LRRK1: variants seen among roughly 807,000 people sequenced by gnomAD.
LRRK1 encodes leucine rich repeat kinase 1.
Under a neutral mutation model 209.1 loss-of-function variants are expected in LRRK1, and 113 were observed. The observed-to-expected ratio is 0.54, with a 90% confidence interval of 0.46 to 0.63. The LOEUF (loss-of-function observed/expected upper bound fraction) is 0.63, where lower values mean the gene tolerates loss of function less well. Ranked by LOEUF, LRRK1 falls within the 30% of genes least tolerant of loss-of-function variation. The pLI is 0.00. For missense variants in LRRK1, 2,284 were observed against 2,632.2 expected, an observed-to-expected ratio of 0.87 and a Z score of 2.89; for synonymous variants, 1,144 against 1,099.7, an observed-to-expected ratio of 1.04 and a Z score of -0.80.
In LRRK1 at chr15:101,051,706, T is replaced by C; in HGVS notation, c.3440-5T>C. ...GAAGCTGTCTCCTGCTCTGTCCTTA[T>C]TTAGCCCTGACAGCCACAGAGAGCG... On this transcript the variant is annotated splice_region_variant and splice_polypyrimidine_tract_variant and intron_variant, in intron 23 of 33. Transcript: ENST00000388948. The C allele has an allele frequency of 6.2e-7, 1 of 1,613,394 alleles. No individual in the cohort carries two copies. Among genetic ancestry groups the C allele is most frequent in the Non-Finnish European group, 8.5e-7 (1 of 1,179,852 alleles).
chr15:100,972,335 T>TAA (rs754464630), intron 2 of LRRK1, among the ~76,000 whole-genome samples: 2 of 106,136 alleles, frequency 1.9e-5, no homozygotes, highest in East Asian at 5.6e-4. Context: ...TATATATATA[T>TAA]GAGAGAGAGA....
intron 2 of LRRK1, 133 bp from the exon 3 acceptor site, chr15:100,973,671 A>AC: frequency 2.2e-6 from 2 of 926,244 alleles, no homozygotes; most frequent in Non-Finnish European, 2.8e-6. Flanking sequence ...TCGCGGGGCC[A>AC]CCCCTCTCTC....
intron 2 of LRRK1, among the ~76,000 whole-genome samples, chr15:100,968,072 C>A (rs1028914603): frequency 1.3e-5 from 2 of 152,142 alleles, no homozygotes; most frequent in African/African-American, 4.8e-5. Flanking sequence ...CCACGATCCA[C>A]CCTTCTGATT....
chr15:101,043,703 T>C (rs2034892839), intron 20 of LRRK1: 2 of 152,370 alleles, frequency 1.3e-5, no homozygotes, highest in Admixed American at 1.3e-4. Context: ...GGTTAGAATA[T>C]GAAGTTGGGA....
intron 21 of LRRK1, among the ~76,000 whole-genome samples, chr15:101,047,040 C>G (rs1430194936): frequency 2.6e-5 from 4 of 152,232 alleles, no homozygotes; most frequent in Admixed American, 1.3e-4. Context: ...GAACCCCGCA[C>G]TGGTTTTCAC....
chr15:101,053,513 TGGCAAGCCCAG>T, intron 26 of LRRK1, 93 bp downstream of exon 26: 1 of 1,184,256 alleles, frequency 8.4e-7, no homozygotes, highest in Non-Finnish European at 1.2e-6. Context: ...CAGGTGGCCT[TGGCAAGCCCAG>T]GGCACGCCCA....
intron 2 of LRRK1, among the ~76,000 whole-genome samples, chr15:100,936,582 A>C (rs1380313508): frequency 6.6e-6 from 1 of 152,194 alleles, no homozygotes; most frequent in African/African-American, 2.4e-5. Flanking sequence ...ATAGGGCTGG[A>C]TGGGGCTGGG....
At chr15:100,941,242 G>GTC (rs2042397152) in intron 2 of LRRK1, among the ~76,000 whole-genome samples, 1 of 148,232 alleles carries the variant, frequency 6.7e-6, no homozygotes, top group African/African-American at 2.5e-5. Flanking sequence ...GTCTGTGTGT[G>GTC]TCTGTCTGTG....
At chr15:100,965,673 T>C (rs2030404582) in intron 2 of LRRK1, among the ~76,000 whole-genome samples, 1 of 151,990 alleles carries the variant, frequency 6.6e-6, no homozygotes, top group South Asian at 2.1e-4. Context: ...CCTTTAAAAA[T>C]CAAACTAGCA....
rs1463133276 is a variant in LRRK1 at position 101,006,752 on chromosome 15, AAG to A, written c.763-2082_763-2081del. On this transcript the variant is annotated intron_variant, in intron 6 of 33. Transcript: ENST00000388948. ...AAAAGCGTGTGTATTTGTGTGGAGA[AAG>A]AGGGGCAAAAGCCTATGTGACAGCG... Among the ~76,000 whole-genome samples the A allele has an allele frequency of 3.9e-5, 6 of 152,358 alleles. No individual in the cohort carries two copies. In the East Asian group the frequency reaches 9.6e-4, roughly 24 times the overall value.
At chr15:100,953,276 C>T (rs1057400360) in intron 2 of LRRK1, among the ~76,000 whole-genome samples, 5 of 152,146 alleles carry the variant, frequency 3.3e-5, no homozygotes, top group African/African-American at 4.8e-5. Flanking sequence ...CAACCAACAC[C>T]TCCCTATTTC....
intron 2 of LRRK1, among the ~76,000 whole-genome samples, chr15:100,954,582 A>C (rs1036487452): frequency 1.8e-4 from 27 of 152,160 alleles, no homozygotes; most frequent in Non-Finnish European, 3.4e-4. Flanking sequence ...GAATAATGTC[A>C]AGGAGATTTT....
At chr15:100,922,846 T>C (rs926138906) in intron 1 of LRRK1, among the ~76,000 whole-genome samples, 13 of 152,280 alleles carry the variant, frequency 8.5e-5, no homozygotes, top group African/African-American at 2.2e-4. Context: ...CTCTGAAACA[T>C]GTGCAGCTTG....
At chr15:101,006,187 G>T (rs572521810) in intron 6 of LRRK1, among the ~76,000 whole-genome samples, 6 of 152,306 alleles carry the variant, frequency 3.9e-5, no homozygotes, top group Admixed American at 1.3e-4. Context: ...GTGGGGTTTA[G>T]TGGGAACCAC....
chr15:100,983,501 A>G, intron 3 of LRRK1, 27 bp from the exon 4 acceptor site: 1 of 1,548,654 alleles, frequency 6.5e-7, no homozygotes. Flanking sequence ...AGCCAGTCTC[A>G]CTGGAGCCCT....
At chr15:101,059,722 C>T (rs115700701) in intron 29 of LRRK1, among the ~76,000 whole-genome samples, 2 of 152,284 alleles carry the variant, frequency 1.3e-5, no homozygotes, top group African/African-American at 4.8e-5. Context: ...CAGTTCTGCT[C>T]ACTGAAAAGG....
intron 3 of LRRK1, among the ~76,000 whole-genome samples, chr15:100,980,003 G>T (rs1332085907): frequency 6.6e-6 from 1 of 152,096 alleles, no homozygotes; most frequent in Non-Finnish European, 1.5e-5. Flanking sequence ...GTACAATCAC[G>T]CTGGAAACTA....
intron 21 of LRRK1, among the ~76,000 whole-genome samples, chr15:101,047,603 A>T (rs767247141): frequency 2.6e-5 from 4 of 152,100 alleles, no homozygotes; most frequent in Non-Finnish European, 4.4e-5. Flanking sequence ...CAGTCTCATC[A>T]CTCATCAAAG....
chr15:101,016,477 C>T (rs944337753), intron 12 of LRRK1, among the ~76,000 whole-genome samples: 3 of 147,374 alleles, frequency 2.0e-5, no homozygotes, highest in East Asian at 2.0e-4. Context: ...TGAGCCACCA[C>T]GCCCGGCCCC....
Sources: allele counts gnomAD v4.1 joint callset (sites outside exome capture counted in the v4.1 genomes callset), GRCh38; gene constraint gnomAD v4.1.1; transcripts MANE v1.5; gene names NCBI Gene and HGNC (gene_info 2026-07-23, HGNC 2026-07-21).